The following SCARA3 variants were observed in gnomAD, a reference collection of about 807,000 sequenced individuals.
SCARA3 encodes cellular stress response gene protein.
SCARA3 carries 39 observed loss-of-function variants against 47.0 expected under a neutral mutation model. The observed-to-expected ratio is 0.83, with a 90% CI of 0.64 to 1.08. SCARA3 has a LOEUF of 1.08. SCARA3 is among the 50% of genes least tolerant of loss of function. SCARA3 has a pLI of 0.00. For synonymous variants in SCARA3, 356 were observed against 334.1 expected (o/e 1.07, Z -0.71); for missense variants, 724 against 792.3 (o/e 0.91, Z 1.04).
In SCARA3 at chr8:27,671,683, T is replaced by C. The variant is rs998674386; in HGVS notation, c.*332T>C. On this transcript the variant is annotated 3_prime_UTR_variant, in exon 6 of 6. Coordinates refer to ENST00000301904, the MANE Select transcript of SCARA3 (RefSeq NM_016240.3). ...GCACACACACATGCACACATACACG[T>C]GCACACATACACAGGCACACATGCA... The C allele has an allele frequency of 1.9e-6, 2 of 1,072,620 alleles. No homozygotes were observed. Among genetic ancestry groups the C allele is most frequent in the Non-Finnish European group, 2.3e-6 (2 of 881,948 alleles). 66.4% of individuals were successfully genotyped at this position (1,072,620 alleles called of 1,614,324 possible). A position where few individuals can be genotyped will look rare whatever the true frequency, so the allele number is the denominator to read the frequency against.
At chr8:27,659,685 A>G in intron 5 of SCARA3, 146 bp downstream of exon 5, 1 of 685,948 alleles carries the variant, frequency 1.5e-6, no homozygotes, top group Non-Finnish European at 2.4e-6. Flanking sequence ...CGGCAGCTTT[A>G]AGAAATGTCC....
chr8:27,719,365 A>C, the SCARA3 span, among the ~76,000 whole-genome samples: 1 of 152,138 alleles, frequency 6.6e-6, no homozygotes, highest in African/African-American at 2.4e-5. Context: ...AACAACACAC[A>C]CTGGGGACTT....
chr8:27,634,520 G>A (rs1470642593), intron 1 of SCARA3, among the ~76,000 whole-genome samples: 3 of 152,136 alleles, frequency 2.0e-5, no homozygotes, highest in Non-Finnish European at 2.9e-5. Flanking sequence ...AGTAGACGCA[G>A]AAAGGCATCA....
chr8:27,666,230 G>T (rs2128922733), intron 5 of SCARA3, among the ~76,000 whole-genome samples: 1 of 152,310 alleles, frequency 6.6e-6, no homozygotes, highest in East Asian at 1.9e-4. Context: ...AATAGCTGCA[G>T]CCCTTTGTTG....
At chr8:27,716,136 T>C in the SCARA3 span, among the ~76,000 whole-genome samples, 1 of 151,760 alleles carries the variant, frequency 6.6e-6, no homozygotes, top group Non-Finnish European at 1.5e-5. Context: ...CAAGACCCAG[T>C]GTCTACAAGA....
In SCARA3 at chr8:27,670,919, A is replaced by G; in HGVS notation, c.1389A>G (p.Gly463=). Residue 463 remains glycine (G), a synonymous_variant, in exon 6 of 6, where the codon GGA becomes GGG. Coordinates refer to ENST00000301904, the MANE Select transcript of SCARA3 (RefSeq NM_016240.3). ...CCTCAGGTGCCCCCGGCCCTCCAGG[A>G]CCAAGAGGATTCAAAGGAGATATGG... ...TILRGAPGPP[G]PRGFKGDMGV... 6.4e-7 allele frequency: 1 copy of G among 1,552,062 alleles called. No homozygotes were observed. The highest frequency in any genetic ancestry group is 8.7e-7 in the Non-Finnish European group (1 of 1,153,754).
chr8:27,685,758 A>G, the SCARA3 span, among the ~76,000 whole-genome samples: 1 of 152,186 alleles, frequency 6.6e-6, no homozygotes, highest in African/African-American at 2.4e-5. Context: ...GAAAGAAAAC[A>G]AAAGAAAATC....
the SCARA3 span, among the ~76,000 whole-genome samples, chr8:27,717,027 G>C: frequency 1.8e-4 from 28 of 152,246 alleles, no homozygotes; most frequent in African/African-American, 6.5e-4. Context: ...CTTCTACAAA[G>C]ACTGGGGTGT....
At chr8:27,636,355 T>C (rs1801250529) in intron 1 of SCARA3, among the ~76,000 whole-genome samples, 2 of 152,134 alleles carry the variant, frequency 1.3e-5, no homozygotes, top group South Asian at 4.1e-4. Context: ...GAGGATCGCT[T>C]GAGCCTGGGA....
chr8:27,658,484 T>C lies in SCARA3; in HGVS notation c.326-12T>C, dbSNP rs1314295419. On this transcript the variant is annotated splice_polypyrimidine_tract_variant and intron_variant, in intron 4 of 5. Transcript: ENST00000301904. The stretch of plus-strand genomic sequence containing the variant: ...CTTCAGCAACTCAAACTGTTATCCC[T>C]TTCCCCTAAAGATCCGAAAGCCCTG... 1 of 1,583,890 alleles carries C rather than the reference T, an allele frequency of 6.3e-7. No homozygotes were observed. Among genetic ancestry groups the C allele is most frequent in the South Asian group, 1.2e-5 (1 of 84,792 alleles).
the SCARA3 span, among the ~76,000 whole-genome samples, chr8:27,686,036 C>A: frequency 6.6e-6 from 1 of 152,146 alleles, no homozygotes; most frequent in Non-Finnish European, 1.5e-5. Context: ...CAACCAAATG[C>A]AATGTGCGGA....
intron 3 of SCARA3, among the ~76,000 whole-genome samples, chr8:27,653,448 C>CA (rs1042417517): frequency 2.6e-5 from 4 of 152,110 alleles, no homozygotes; most frequent in Non-Finnish European, 5.9e-5. Flanking sequence ...TTTGGGTTTC[C>CA]TTTTTTGTTT....
intron 5 of SCARA3, among the ~76,000 whole-genome samples, chr8:27,661,727 C>T (rs1239445981): frequency 2.6e-5 from 4 of 152,210 alleles, no homozygotes; most frequent in Non-Finnish European, 5.9e-5. Context: ...TTGTCTTCAG[C>T]AGGCCCCTCA....
intron 2 of SCARA3, 39 bp downstream of exon 2, chr8:27,649,839 C>A: frequency 2.0e-6 from 3 of 1,528,488 alleles, no homozygotes; most frequent in Non-Finnish European, 2.7e-6. Context: ...CCGCTCTGGG[C>A]TGAGAGATCC....
At chr8:27,682,152 C>A in the SCARA3 span, among the ~76,000 whole-genome samples, 1 of 152,022 alleles carries the variant, frequency 6.6e-6, no homozygotes, top group African/African-American at 2.4e-5. Flanking sequence ...TGCATTTTTA[C>A]AAAGGCACCA....
chr8:27,664,820 C>T (rs1801982920), intron 5 of SCARA3, among the ~76,000 whole-genome samples: 1 of 151,972 alleles, frequency 6.6e-6, no homozygotes, highest in Admixed American at 6.6e-5. Context: ...GCGTGGAGAG[C>T]AAAACGGGGC....
chr8:27,720,618 C>CTCCATCCATCCA, the SCARA3 span, among the ~76,000 whole-genome samples: 3,722 of 145,456 alleles, frequency 0.026, 68 homozygotes, highest in Non-Finnish European at 0.034. Flanking sequence ...TCCTTTCTAT[C>CTCCATCCATCCA]TCCATCCATC....
chr8:27,682,860 C>G, the SCARA3 span, among the ~76,000 whole-genome samples: 1 of 152,030 alleles, frequency 6.6e-6, no homozygotes, highest in South Asian at 2.1e-4. Context: ...CTTTGAAAAA[C>G]AGTTTGGTCA....
rs1801200483 is a variant in SCARA3 at position 27,634,334 on chromosome 8, C to T, written c.7+127C>T. 6 of 847,520 alleles carry T rather than the reference C, an allele frequency of 7.1e-6. No individual in the cohort carries two copies. The South Asian group carries it at 2.1e-4, about 29-fold the overall frequency. 52.5% of individuals were successfully genotyped at this position (847,520 alleles called of 1,614,324 possible). ...GGGCAGGGCGCCTCTGGCTTTTCCCCTGCCTTTTTGGGCATCCTGCGAGAC... is the reference window on the plus strand; with the variant it reads ...GGGCAGGGCGCCTCTGGCTTTTCCCTTGCCTTTTTGGGCATCCTGCGAGAC... On this transcript the variant is annotated intron_variant, in intron 1 of 5. Coordinates refer to ENST00000301904, the MANE Select transcript of SCARA3 (RefSeq NM_016240.3).
Sources: allele counts gnomAD v4.1 joint callset (sites outside exome capture counted in the v4.1 genomes callset), GRCh38; gene constraint gnomAD v4.1.1; transcripts MANE v1.5; gene names NCBI Gene and HGNC (gene_info 2026-07-23, HGNC 2026-07-21).